Variants in CDH23 observed in about 807,000 individuals in gnomAD.
The protein encoded by CDH23 is cadherin-23.
CDH23 carries 189 observed loss-of-function variants against 317.1 expected under a neutral mutation model. The observed-to-expected ratio is 0.60, with a 90% CI of 0.53 to 0.67. CDH23 has a LOEUF of 0.67. Ranked by LOEUF, CDH23 falls within the 30% of genes least tolerant of loss-of-function variation. The pLI, the probability that CDH23 is intolerant of heterozygous loss-of-function variation, is 0.00. For missense variants in CDH23, 4,401 were observed against 4,592.4 expected (o/e 0.96, Z 1.20); for synonymous variants, 1,839 against 1,876.8 (o/e 0.98, Z 0.52).
At chr10:71,601,015 G>A (rs1169258547) in intron 9 of CDH23, among the ~76,000 whole-genome samples, 2 of 152,192 alleles carry the variant, frequency 1.3e-5, no homozygotes, top group African/African-American at 2.4e-5. Context: ...TGCTGAGTGG[G>A]TTTGTGCTTA....
chr10:71,520,682 T>C (rs1854621155), intron 6 of CDH23, among the ~76,000 whole-genome samples: 1 of 152,244 alleles, frequency 6.6e-6, no homozygotes, highest in South Asian at 2.1e-4. Context: ...GACTGCCTTC[T>C]TGATGCAGGT....
intron 7 of CDH23, among the ~76,000 whole-genome samples, chr10:71,570,383 A>T (rs1173616913): frequency 6.6e-6 from 1 of 152,192 alleles, no homozygotes; most frequent in Non-Finnish European, 1.5e-5. Context: ...GGTGACCTCC[A>T]GCTGAACTCA....
intron 6 of CDH23, among the ~76,000 whole-genome samples, chr10:71,515,390 T>TCACA (rs776815563): frequency 1.7e-5 from 1 of 58,664 alleles, no homozygotes; most frequent in African/African-American, 8.4e-5. Context: ...TCTCTCTCTC[T>TCACA]CTCTCACACA....
Position 71,510,173 on chromosome 10 carries a change from A to G in CDH23, c.237A>G (p.Ala79=), listed in dbSNP as rs1333835400. ...VSGEEASRFF[A]VEPDTGVVWL... is the part of the protein sequence containing the mutation. ...GGGAGGAGGCCTCTCGCTTCTTTGC[A>G]GTGGAGCCTGACACTGGCGTGGTGT... is the stretch of plus-strand genomic sequence containing the variant. The change falls in exon 4 of 70, where the codon GCA becomes GCG. Residue 79 remains alanine (A), a synonymous_variant. Coordinates refer to ENST00000224721, the MANE Select transcript of CDH23 (RefSeq NM_022124.6). 1 of 1,613,966 alleles carries G rather than the reference A, an allele frequency of 6.2e-7. No individual in the cohort carries two copies. Among genetic ancestry groups the G allele is most frequent in the Non-Finnish European group, 8.5e-7 (1 of 1,179,880 alleles).
At chr10:71,804,028 G>T (rs568540498) in intron 55 of CDH23, among the ~76,000 whole-genome samples, 3 of 150,164 alleles carry the variant, frequency 2.0e-5, no homozygotes, top group Non-Finnish European at 4.4e-5. Flanking sequence ...TAACTCTATC[G>T]CTTATCAGCC....
At chr10:71,613,141 G>A (rs1398679996) in intron 9 of CDH23, among the ~76,000 whole-genome samples, 6 of 152,192 alleles carry the variant, frequency 3.9e-5, no homozygotes, top group African/African-American at 7.2e-5. Context: ...GAGCCACCGC[G>A]CCCAGCCTGT....
At chr10:71,421,450 T>C (rs1848811775) in intron 1 of CDH23, among the ~76,000 whole-genome samples, 2 of 152,226 alleles carry the variant, frequency 1.3e-5, no homozygotes. Flanking sequence ...AAGAAAGTCT[T>C]GACAAAATGA....
chr10:71,784,787 C>G, intron 42 of CDH23, 104 bp from the exon 43 acceptor site: 1 of 832,046 alleles, frequency 1.2e-6, no homozygotes, highest in Non-Finnish European at 2.1e-6. Context: ...ACCAACTGCA[C>G]CCTCCCTCCC....
intron 45 of CDH23, among the ~76,000 whole-genome samples, chr10:71,789,390 G>A (rs748643043): frequency 6.6e-6 from 1 of 152,180 alleles, no homozygotes; most frequent in Non-Finnish European, 1.5e-5. Flanking sequence ...CAGGAGTGCA[G>A]GGCATCCCAG....
Position 71,511,103 on chromosome 10 carries a change from C to T in CDH23, c.337-17C>T, listed in dbSNP as rs375300268. On this transcript the variant is annotated splice_polypyrimidine_tract_variant and intron_variant, in intron 5 of 69. Coordinates refer to ENST00000224721, the MANE Select transcript of CDH23 (RefSeq NM_022124.6). ...GAGTCAGGTGGCGGCGCTAATTGCC[C>T]GCCTTTCTCTTGCCAGGTGATCACA... 328 of 1,613,370 alleles carry T rather than the reference C, an allele frequency of 2.0e-4. 5 individuals are homozygous for T. In the South Asian group the frequency reaches 2.8e-3, roughly 14 times the overall value.
chr10:71,773,338 C>T lies in CDH23; in HGVS notation c.4846-4342C>T, dbSNP rs201594327. On this transcript the variant is annotated intron_variant, in intron 38 of 69. Transcript: ENST00000224721. ...TCTTCTCCCAGCTTTTTCCCAGCGC[C>T]CCGCCTCCCCCGACCTTACCTAGGG... 2.9e-4 allele frequency: 459 copies of T among 1,594,388 alleles called. No individual in the cohort carries two copies. In the Middle Eastern group the frequency reaches 5.1e-3, roughly 18 times the overall value.
intron 1 of CDH23, among the ~76,000 whole-genome samples, chr10:71,424,965 C>T (rs927031995): frequency 2.0e-4 from 31 of 152,136 alleles, no homozygotes; most frequent in African/African-American, 7.0e-4. Context: ...TAAGCGAAGG[C>T]GGAAGCTGTG....
chr10:71,700,152 C>T (rs1315871647), intron 22 of CDH23, among the ~76,000 whole-genome samples: 11 of 152,104 alleles, frequency 7.2e-5, no homozygotes, highest in South Asian at 2.1e-4. Flanking sequence ...TTTGGGAGGC[C>T]GAGGCGGGAG....
chr10:71,734,384 G>A (rs142273885), intron 33 of CDH23, 43 bp downstream of exon 33: 61 of 1,559,370 alleles, frequency 3.9e-5, no homozygotes, highest in Non-Finnish European at 5.0e-5. Flanking sequence ...GCGGCCCATC[G>A]CTGGCCATGA....
In CDH23 at chr10:71,695,450, C is replaced by A; in HGVS notation, c.2322C>A (p.Asn774Lys). ...TCACCCTCCTGGACATCAATGACAA[C>A]CACCCCACGTGGAAGGACGCACCCT... ...VNITLLDIND[N>K]HPTWKDAPYY... The change falls in exon 22 of 70, where the codon AAC (asparagine) becomes AAA (lysine). Residue 774 changes from asparagine (N) to lysine (K), a missense_variant. Asn to Lys is a moderately conservative substitution (Grantham distance 94). This residue lies in a region of CDH23 where 3,068 missense variants were observed against 3,203.3 expected (regional missense o/e 0.96). Transcript: ENST00000224721. 6.2e-7 allele frequency: 1 copy of A among 1,613,570 alleles called. No homozygotes were observed. Among genetic ancestry groups the A allele is most frequent in the Non-Finnish European group, 8.5e-7 (1 of 1,179,478 alleles).
intron 6 of CDH23, among the ~76,000 whole-genome samples, chr10:71,513,222 C>G (rs1249408447): frequency 6.6e-6 from 1 of 152,162 alleles, no homozygotes; most frequent in African/African-American, 2.4e-5. Context: ...CTTGGGGCTG[C>G]TCAGTGTGGC....
chr10:71,495,110 A>G (rs1165422769), intron 3 of CDH23, among the ~76,000 whole-genome samples: 1 of 152,208 alleles, frequency 6.6e-6, no homozygotes, highest in Admixed American at 6.5e-5. Context: ...CAAAACTTTT[A>G]AAAACACAAA....
chr10:71,445,815 T>C (rs1214854672), intron 2 of CDH23, among the ~76,000 whole-genome samples: 3 of 140,388 alleles, frequency 2.1e-5, no homozygotes, highest in African/African-American at 8.2e-5. Flanking sequence ...ACTGCTACTC[T>C]TCAGCCTGGG....
intron 57 of CDH23, 124 bp from the exon 58 acceptor site, chr10:71,807,153 C>A: frequency 8.2e-7 from 1 of 1,215,104 alleles, no homozygotes. Context: ...TCTACTCACC[C>A]CATAAGGCCT....
Sources: allele counts gnomAD v4.1 joint callset (sites outside exome capture counted in the v4.1 genomes callset), GRCh38; gene constraint gnomAD v4.1.1; regional missense constraint gnomAD v4.1.1; transcripts MANE v1.5; gene names NCBI Gene and HGNC (gene_info 2026-07-23, HGNC 2026-07-21).